Variants in BBS9 observed in about 807,000 individuals in gnomAD.
BBS9 encodes Bardet-Biedl syndrome 9, also known as protein PTHB1.
A neutral mutation model predicts 117.7 loss-of-function variants in BBS9; 89 were observed. The observed-to-expected ratio is 0.76, with a 90% confidence interval of 0.64 to 0.90. BBS9 has a LOEUF of 0.90. Among genes scored for constraint, BBS9 ranks in the 40% least tolerant of loss-of-function variants. The pLI is 0.00. For missense variants in BBS9, 982 were observed against 1,042.2 expected (o/e 0.94, Z 0.80); for synonymous variants, 379 against 370.9 (o/e 1.02, Z -0.25).
intron 19 of BBS9, among the ~76,000 whole-genome samples, chr7:33,444,799 G>A (rs1020562874): frequency 2.6e-5 from 4 of 152,202 alleles, no homozygotes; most frequent in African/African-American, 4.8e-5. Context: ...TCTGTCGCTG[G>A]TGGAGAGGAC....
intron 19 of BBS9, among the ~76,000 whole-genome samples, chr7:33,485,956 G>A (rs1285166904): frequency 1.1e-4 from 16 of 152,148 alleles, no homozygotes; most frequent in Admixed American, 1.0e-3. Context: ...GTAGTTAGGT[G>A]TAATTCTTAT....
chr7:33,146,450 C>T (rs1447870781), intron 2 of BBS9, 86 bp downstream of exon 2: 7 of 1,144,264 alleles, frequency 6.1e-6, no homozygotes, highest in Non-Finnish European at 9.2e-6. Context: ...GCTGTAATCT[C>T]AGTTCTTTTG....
intron 19 of BBS9, among the ~76,000 whole-genome samples, chr7:33,437,447 C>T (rs1007399767): frequency 1.4e-4 from 22 of 152,148 alleles, no homozygotes; most frequent in Admixed American, 3.3e-4. Context: ...AGACACATTT[C>T]CAATTCTGAG....
intron 5 of BBS9, among the ~76,000 whole-genome samples, chr7:33,228,363 A>ATTTT (rs1306435933): frequency 6.6e-6 from 1 of 152,164 alleles, no homozygotes; most frequent in Non-Finnish European, 1.5e-5. Context: ...ATAAATATTA[A>ATTTT]TTTGAAATAA....
At chr7:33,595,749 A>G (rs1383589494) in intron 21 of BBS9, among the ~76,000 whole-genome samples, 2 of 152,278 alleles carry the variant, frequency 1.3e-5, no homozygotes, top group East Asian at 1.9e-4. Flanking sequence ...ATTATTTACA[A>G]TAGCAAAGAC....
chr7:33,214,844 C>T (rs2128229779), intron 5 of BBS9, among the ~76,000 whole-genome samples: 1 of 152,244 alleles, frequency 6.6e-6, no homozygotes, highest in South Asian at 2.1e-4. Flanking sequence ...ATAGAAAAAA[C>T]AAAATTTATA....
intron 21 of BBS9, among the ~76,000 whole-genome samples, chr7:33,595,570 C>CT (rs1235136430): frequency 1.3e-5 from 2 of 152,094 alleles, no homozygotes; most frequent in African/African-American, 4.8e-5. Flanking sequence ...AATAGGAACA[C>CT]TTTTACACTG....
At chr7:33,314,157 T>TTCCC in intron 9 of BBS9, 1 of 329,272 alleles carries the variant, frequency 3.0e-6, no homozygotes, top group Non-Finnish European at 5.8e-6. Context: ...AAGGGGTTAA[T>TTCCC]ACAGTGGAAA....
At chr7:33,447,870 C>T (rs1401784217) in intron 19 of BBS9, among the ~76,000 whole-genome samples, 2 of 152,184 alleles carry the variant, frequency 1.3e-5, no homozygotes, top group Non-Finnish European at 2.9e-5. Context: ...TGTTCAGGTT[C>T]TGTGGGTTGC....
At chr7:33,407,431 A>G (rs375115100) in intron 19 of BBS9, among the ~76,000 whole-genome samples, 10,784 of 151,896 alleles carry the variant, frequency 0.071, 380 homozygotes, top group African/African-American at 0.091. Context: ...TCTTCTCTCA[A>G]CTCGTCAAAG....
At chr7:33,521,361 C>A (rs931254171) in intron 20 of BBS9, among the ~76,000 whole-genome samples, 4 of 152,204 alleles carry the variant, frequency 2.6e-5, no homozygotes, top group Non-Finnish European at 5.9e-5. Context: ...TTTAGATTTT[C>A]ATCCAATAGG....
intron 21 of BBS9, among the ~76,000 whole-genome samples, chr7:33,559,490 G>T (rs898543380): frequency 2.0e-5 from 3 of 152,046 alleles, no homozygotes; most frequent in Non-Finnish European, 4.4e-5. Flanking sequence ...TGAGCCAGGA[G>T]GCTTGACTGG....
rs189935678 is a variant in BBS9 at position 33,191,867 on chromosome 7, T to A, written c.442+14276T>A. On this transcript the variant is annotated intron_variant, in intron 5 of 22. Transcript: ENST00000242067. ...TACTTTATCTTTTCCTCACTTTCAG[T>A]ATTCTTCACATGAGGATGTATATAC... Among the ~76,000 whole-genome samples the A allele has an allele frequency of 4.1e-3, 622 of 152,208 alleles. 4 individuals carry two copies. The highest frequency in any genetic ancestry group is 0.014 in the African/African-American group (596 of 41,518).
At chr7:33,403,088 TA>T (rs145444841) in intron 19 of BBS9, among the ~76,000 whole-genome samples, 3,947 of 152,024 alleles carry the variant, frequency 0.026, 181 homozygotes, top group African/African-American at 0.09. Context: ...TAAAATTTTT[TA>T]AAAAAATAAT....
chr7:33,374,912 A>C (rs1183340253), intron 17 of BBS9, among the ~76,000 whole-genome samples: 2 of 151,854 alleles, frequency 1.3e-5, no homozygotes, highest in Non-Finnish European at 2.9e-5. Flanking sequence ...AAAAAAAAAA[A>C]AAAAAAAAAA....
intron 19 of BBS9, among the ~76,000 whole-genome samples, chr7:33,418,188 G>C (rs1832309653): frequency 6.6e-6 from 1 of 152,204 alleles, no homozygotes; most frequent in African/African-American, 2.4e-5. Flanking sequence ...TGTGTAATTA[G>C]GTTTTTGATT....
chr7:33,515,736 C>T (rs905820401), intron 20 of BBS9, among the ~76,000 whole-genome samples: 7 of 152,120 alleles, frequency 4.6e-5, no homozygotes, highest in African/African-American at 9.7e-5. Flanking sequence ...GATCTCTGTG[C>T]GTGTCTTTCA....
chr7:33,609,230 A>G (rs1437667511), downstream of BBS9, among the ~76,000 whole-genome samples: 1 of 151,926 alleles, frequency 6.6e-6, no homozygotes, highest in African/African-American at 2.4e-5. Flanking sequence ...GAAATTGACA[A>G]CTCATTAGCC....
intron 5 of BBS9, among the ~76,000 whole-genome samples, chr7:33,243,275 A>G: frequency 6.6e-6 from 1 of 152,212 alleles, no homozygotes; most frequent in Non-Finnish European, 1.5e-5. Context: ...TTTAGAGCAT[A>G]GAGCAGAAAC....
Sources: gnomAD v4.1 joint callset for allele counts (sites outside exome capture counted in the v4.1 genomes callset) on GRCh38, gnomAD v4.1.1 for gene constraint, MANE v1.5 for transcripts, NCBI Gene and HGNC (gene_info 2026-07-23, HGNC 2026-07-21) for gene names.